The following PDE3A variants were observed in gnomAD, a reference collection of about 807,000 sequenced individuals.
PDE3A encodes the protein phosphodiesterase 3A.
In PDE3A, 43 loss-of-function variants were observed where a neutral mutation model predicts 98.3. The ratio of observed to expected loss-of-function variants is 0.44; its 90% CI spans 0.34 to 0.56. PDE3A has a LOEUF of 0.56. Ranked by LOEUF, PDE3A falls within the 20% of genes least tolerant of loss-of-function variation. The pLI, the probability that PDE3A is intolerant of heterozygous loss-of-function variation, is 0.01. For synonymous variants in PDE3A, 663 were observed against 567.9 expected, an observed-to-expected ratio of 1.17 and a Z score of -2.38; for missense variants, 1,427 against 1,440.7, an observed-to-expected ratio of 0.99 and a Z score of 0.15.
chr12:20,442,341 G>T (rs1944883690), intron 1 of PDE3A, among the ~76,000 whole-genome samples: 1 of 152,140 alleles, frequency 6.6e-6, no homozygotes, highest in African/African-American at 2.4e-5. Flanking sequence ...CAACAAAAAA[G>T]ATTTCCCTCA....
In PDE3A at chr12:20,481,816, A is replaced by G. The variant is rs902985312; in HGVS notation, c.961-74844A>G. Among the ~76,000 whole-genome samples, 11 of 118,322 alleles carry G rather than the reference A, an allele frequency of 9.3e-5. No homozygotes were observed. In the Admixed American group the frequency reaches 1.2e-3, roughly 13 times the overall value. The allele number at this position is 118,322 out of a possible 152,430, so 77.6% of individuals were successfully genotyped here. A position where few individuals can be genotyped will look rare whatever the true frequency, so the allele number is the denominator to read the frequency against. ...AGAGTCTCTTGTCACCCAGGCTGGA[A>G]TGCAGGGGTGCGATCTCGGCTCACT... On this transcript the variant is annotated intron_variant, in intron 1 of 15. Transcript: ENST00000359062.
chr12:20,486,078 G>T (rs994843728), intron 1 of PDE3A, among the ~76,000 whole-genome samples: 1 of 152,156 alleles, frequency 6.6e-6, no homozygotes, highest in African/African-American at 2.4e-5. Context: ...ATCGCTGATA[G>T]ACCTTTAAAA....
At chr12:20,601,230 T>G (rs973187281) in intron 2 of PDE3A, among the ~76,000 whole-genome samples, 13 of 151,318 alleles carry the variant, frequency 8.6e-5, no homozygotes, top group East Asian at 2.0e-4. Flanking sequence ...CTCCAAGGCT[T>G]TTTGTTTGTT....
chr12:20,461,874 C>G (rs976226358), intron 1 of PDE3A, among the ~76,000 whole-genome samples: 1 of 152,094 alleles, frequency 6.6e-6, no homozygotes, highest in South Asian at 2.1e-4. Context: ...ATTATTATCT[C>G]TCTGCAGTGT....
intron 2 of PDE3A, among the ~76,000 whole-genome samples, chr12:20,571,573 G>A (rs374949178): frequency 6.6e-5 from 10 of 152,108 alleles, no homozygotes; most frequent in African/African-American, 2.4e-4. Context: ...AACAAGGCCT[G>A]TTTTTTTCTG....
chr12:20,584,131 G>A (rs1943136759), intron 2 of PDE3A, among the ~76,000 whole-genome samples: 1 of 152,216 alleles, frequency 6.6e-6, no homozygotes, highest in Non-Finnish European at 1.5e-5. Flanking sequence ...CACCTAGGAA[G>A]TGTCTCTTGT....
chr12:20,637,982 A>ACATGT (rs2121513348), intron 9 of PDE3A, among the ~76,000 whole-genome samples: 1 of 152,322 alleles, frequency 6.6e-6, no homozygotes, highest in South Asian at 2.1e-4. Context: ...GCTTATCTTC[A>ACATGT]CATGTTTTAG....
At chr12:20,613,215 C>T (rs1354414563) in intron 2 of PDE3A, among the ~76,000 whole-genome samples, 1 of 152,048 alleles carries the variant, frequency 6.6e-6, no homozygotes, top group Non-Finnish European at 1.5e-5. Context: ...TTCAAATATG[C>T]TTGACCCTCC....
intron 2 of PDE3A, among the ~76,000 whole-genome samples, chr12:20,596,271 C>T (rs1943463792): frequency 6.6e-6 from 1 of 152,128 alleles, no homozygotes; most frequent in African/African-American, 2.4e-5. Flanking sequence ...ACTTAATTTC[C>T]TCCTTTATTC....
At chr12:20,373,906 T>G (rs1235471670) in intron 1 of PDE3A, among the ~76,000 whole-genome samples, 1 of 152,114 alleles carries the variant, frequency 6.6e-6, no homozygotes, top group African/African-American at 2.4e-5. Flanking sequence ...TTGTTATTCT[T>G]TGACAAAAAA....
intron 15 of PDE3A, among the ~76,000 whole-genome samples, chr12:20,656,930 G>C (rs184509766): frequency 2.1e-3 from 327 of 152,292 alleles, no homozygotes; most frequent in African/African-American, 7.3e-3. Context: ...TTTCTGTTCT[G>C]TAGGGTTGGG....
chr12:20,400,040 C>T (rs1379627115), intron 1 of PDE3A, among the ~76,000 whole-genome samples: 4 of 152,146 alleles, frequency 2.6e-5, no homozygotes, highest in Admixed American at 1.3e-4. Context: ...CACAGTTCTC[C>T]ATTAGCCCTG....
intron 1 of PDE3A, among the ~76,000 whole-genome samples, chr12:20,493,922 G>A (rs1220929413): frequency 3.9e-5 from 6 of 152,196 alleles, no homozygotes; most frequent in East Asian, 1.9e-4. Flanking sequence ...GAGCCAGCAC[G>A]CCTGGCCGCA....
At chr12:20,460,000 G>A (rs544601468) in intron 1 of PDE3A, among the ~76,000 whole-genome samples, 2 of 152,300 alleles carry the variant, frequency 1.3e-5, no homozygotes, top group East Asian at 1.9e-4. Context: ...GTGCCATTGT[G>A]GCATAGCAGT....
At chr12:20,439,992 A>C (rs1366169959) in intron 1 of PDE3A, among the ~76,000 whole-genome samples, 2 of 152,204 alleles carry the variant, frequency 1.3e-5, no homozygotes, top group African/African-American at 4.8e-5. Context: ...TCAACTTTCA[A>C]AATCCATAAT....
chr12:20,617,322 A>C (rs1395998427), intron 4 of PDE3A, among the ~76,000 whole-genome samples: 1 of 152,114 alleles, frequency 6.6e-6, no homozygotes, highest in East Asian at 1.9e-4. Context: ...AAAAATTTTT[A>C]ATTGGTTTCT....
intron 1 of PDE3A, among the ~76,000 whole-genome samples, chr12:20,464,526 T>G (rs1945307458): frequency 6.6e-6 from 1 of 152,214 alleles, no homozygotes; most frequent in Admixed American, 6.5e-5. Context: ...ACTGTCCTTC[T>G]GTAGGCCCAA....
chr12:20,421,121 C>CA (rs1944505164), intron 1 of PDE3A, among the ~76,000 whole-genome samples: 1 of 152,060 alleles, frequency 6.6e-6, no homozygotes, highest in South Asian at 2.1e-4. Flanking sequence ...TTATATTAGA[C>CA]AAAACCATGT....
At chr12:20,632,805 T>C (rs1419196184) in intron 6 of PDE3A, among the ~76,000 whole-genome samples, 4 of 151,970 alleles carry the variant, frequency 2.6e-5, no homozygotes, top group Non-Finnish European at 5.9e-5. Flanking sequence ...CTGATCGATC[T>C]GAAAAAAAGA....
Sources: gnomAD v4.1 joint callset for allele counts (sites outside exome capture counted in the v4.1 genomes callset) on GRCh38, gnomAD v4.1.1 for gene constraint, MANE v1.5 for transcripts, NCBI Gene and HGNC (gene_info 2026-07-23, HGNC 2026-07-21) for gene names.